Variants in GALK2 observed in about 807,000 individuals in gnomAD.
GALK2 encodes the protein N-acetylgalactosamine kinase.
Under a neutral mutation model 52.4 loss-of-function variants are expected in GALK2, and 36 were observed. The observed-to-expected ratio is 0.69, with a 90% CI of 0.53 to 0.91. The LOEUF (loss-of-function observed/expected upper bound fraction) is 0.91. Among genes scored for constraint, GALK2 ranks in the 40% least tolerant of loss-of-function variants. The pLI is 0.00. For synonymous variants in GALK2, 176 were observed against 199.1 expected (o/e 0.88, Z 0.98); for missense variants, 579 against 559.1 (o/e 1.04, Z -0.36).
At chr15:49,310,028 C>G (rs774811147) in intron 8 of GALK2, among the ~76,000 whole-genome samples, 10 of 152,166 alleles carry the variant, frequency 6.6e-5, no homozygotes, top group Non-Finnish European at 1.5e-4. Flanking sequence ...TCTCTTCCTA[C>G]TTGCCTTCCC....
At chr15:49,268,530 G>A (rs1282925094) in intron 5 of GALK2, among the ~76,000 whole-genome samples, 1 of 152,206 alleles carries the variant, frequency 6.6e-6, no homozygotes, top group Non-Finnish European at 1.5e-5. Context: ...GAGAGAAAGT[G>A]AGCAGAGCTG....
chr15:49,355,945 TAAAG>T (rs950814745), intron 3 of GALK2, among the ~76,000 whole-genome samples: 27 of 151,318 alleles, frequency 1.8e-4, no homozygotes, highest in African/African-American at 6.3e-4. Flanking sequence ...TCAACATTCT[TAAAG>T]AAAAGAATTT....
intron 1 of GALK2, among the ~76,000 whole-genome samples, chr15:49,197,772 C>T (rs2087369538): frequency 6.6e-6 from 1 of 152,148 alleles, no homozygotes; most frequent in East Asian, 1.9e-4. Flanking sequence ...TCTTTATCTA[C>T]CAGATATTTT....
At chr15:49,234,529 TGAG>T (rs1427923575) in intron 3 of GALK2, among the ~76,000 whole-genome samples, 2 of 152,022 alleles carry the variant, frequency 1.3e-5, no homozygotes, top group Non-Finnish European at 2.9e-5. Flanking sequence ...AGAAAGCAAA[TGAG>T]GAGCAAAGTC....
At chr15:49,237,662 A>C (rs1400898066) in intron 4 of GALK2, among the ~76,000 whole-genome samples, 5 of 151,702 alleles carry the variant, frequency 3.3e-5, no homozygotes, top group African/African-American at 1.2e-4. Flanking sequence ...TTTTTAGTAG[A>C]GACGGGGTTT....
rs2034844329 is a variant in GALK2, at chr15:49,299,738, T to TTTCTTTCTTTCTTTCTTTCTTTC, written c.967+7201_967+7202insTTCTTTCTTTCTTTCTTTCTTTC. 6.7e-4 allele frequency among the ~76,000 whole-genome samples: 51 copies of TTTCTTTCTTTCTTTCTTTCTTTC among 76,448 alleles called. 2 individuals carry two copies. The highest frequency in any genetic ancestry group is 2.4e-3 in the African/African-American group (47 of 19,382). The allele number at this position is 76,448 out of a possible 152,430, so 50.2% of individuals were successfully genotyped here. On this transcript the variant is annotated intron_variant, in intron 8 of 9. Coordinates refer to ENST00000560031, the MANE Select transcript of GALK2 (RefSeq NM_002044.4). ...TCTTTCTTTCTTTCTTTCTTTCTTT[T>TTTCTTTCTTTCTTTCTTTCTTTC]CTTTCTTTCTTTCTTTCTTTCTTTC...
chr15:49,361,713 G>A (rs1295330689), intron 3 of GALK2, among the ~76,000 whole-genome samples: 1 of 152,130 alleles, frequency 6.6e-6, no homozygotes, highest in Non-Finnish European at 1.5e-5. Context: ...GCATACGCGT[G>A]AATGTATCTT....
chr15:49,335,611 A>T, downstream of GALK2: 1 of 648,618 alleles, frequency 1.5e-6, no homozygotes, highest in Non-Finnish European at 2.7e-6. Flanking sequence ...AGTAATGAAG[A>T]GTCTCAAGTA....
chr15:49,281,998 A>G lies in GALK2; in HGVS notation c.516A>G (p.Ala172=). Residue 172 remains alanine, a synonymous_variant, in exon 6 of 10, where the codon GCA becomes GCG. Coordinates refer to ENST00000560031, the MANE Select transcript of GALK2 (RefSeq NM_002044.4). ...TTTTACCTTTCCAGGTGGAACTTGC[A>G]GAAATCTGTGCCAAGAGTGAGCGTT... ...LGRNLSKVEL[A]EICAKSERYI... is the part of the protein sequence containing the mutation. 6.2e-7 allele frequency: 1 copy of G among 1,613,068 alleles called. No individual in the cohort carries two copies. Among genetic ancestry groups the G allele is most frequent in the Non-Finnish European group, 8.5e-7 (1 of 1,179,302 alleles).
chr15:49,311,667 T>G (rs1040248711), intron 8 of GALK2, among the ~76,000 whole-genome samples: 10 of 152,246 alleles, frequency 6.6e-5, no homozygotes, highest in Non-Finnish European at 1.3e-4. Flanking sequence ...TGCTATATCC[T>G]CTTGGATATA....
intron 3 of GALK2, among the ~76,000 whole-genome samples, chr15:49,356,039 C>G (rs1226829003): frequency 6.6e-6 from 1 of 151,748 alleles, no homozygotes; most frequent in Non-Finnish European, 1.5e-5. Flanking sequence ...CAAGCAAATG[C>G]TGAGAGATTT....
chr15:49,245,976 C>T (rs916269401), intron 5 of GALK2, among the ~76,000 whole-genome samples: 10 of 152,108 alleles, frequency 6.6e-5, no homozygotes, highest in African/African-American at 2.4e-4. Context: ...CAGTACTCTG[C>T]ATACTATTTT....
chr15:49,331,997 G>A (rs1370173989), downstream of GALK2: 1 of 613,984 alleles, frequency 1.6e-6, no homozygotes, highest in Non-Finnish European at 2.9e-6. Context: ...TAAAACTTCT[G>A]AAGTAGGTAC....
At position 49,201,161 on chromosome 15, in the gene GALK2, G is replaced by A; in HGVS notation, c.54-1G>A. The A allele has an allele frequency of 6.4e-7, 1 of 1,569,040 alleles. No individual in the cohort carries two copies. The highest frequency in any genetic ancestry group is 8.8e-7 in the Non-Finnish European group (1 of 1,141,136). On this transcript the variant is annotated splice_acceptor_variant, in intron 1 of 9. Transcript: ENST00000560031. LOFTEE classifies it high-confidence loss of function. ...CTGAAATATTGTACTTTTATTTTCA[G>A]GTTACTGAAGCTAAAGGAGATGTTT...
intron 2 of GALK2, among the ~76,000 whole-genome samples, chr15:49,208,167 A>C (rs140404458): frequency 0.06 from 9,200 of 152,068 alleles, 555 homozygotes; most frequent in African/African-American, 0.15. Flanking sequence ...CTGCTCTGAT[A>C]TTGGTTATTT....
At chr15:49,299,763 C>CT (rs1354625160) in intron 8 of GALK2, among the ~76,000 whole-genome samples, 28 of 112,838 alleles carry the variant, frequency 2.5e-4, no homozygotes, top group South Asian at 6.2e-4. Flanking sequence ...TTCTTTCTTT[C>CT]TTTCTTTCTT....
At chr15:49,211,703 A>G (rs1432346346) in intron 2 of GALK2, among the ~76,000 whole-genome samples, 1 of 152,208 alleles carries the variant, frequency 6.6e-6, no homozygotes, top group East Asian at 1.9e-4. Context: ...GGAAGGAGGC[A>G]CGCCGTACAT....
rs980053147 is a variant in GALK2, at chr15:49,281,855, C to G, written c.505-132C>G. 2.3e-5 allele frequency: 14 copies of G among 601,968 alleles called. No homozygotes were observed. The African/African-American group carries it at 2.6e-4, about 11-fold the overall frequency. 37.3% of individuals were successfully genotyped at this position (601,968 alleles called of 1,614,324 possible). On this transcript the variant is annotated intron_variant, in intron 5 of 9. Transcript: ENST00000560031. The stretch of plus-strand genomic sequence containing the variant: ...GTCTGGAGCCCTTTTTAATGCAGTG[C>G]TCCAGGCAGGCTACTATTAGTTGAT...
chr15:49,212,394 C>G (rs79325061), intron 2 of GALK2, among the ~76,000 whole-genome samples: 1 of 152,258 alleles, frequency 6.6e-6, no homozygotes, highest in East Asian at 1.9e-4. Flanking sequence ...GTGCACCTGG[C>G]CTCTTTTTTA....
Sources: allele counts gnomAD v4.1 joint callset (sites outside exome capture counted in the v4.1 genomes callset), GRCh38; gene constraint gnomAD v4.1.1; transcripts MANE v1.5; gene names NCBI Gene and HGNC (gene_info 2026-07-23, HGNC 2026-07-21).